HCK: variants seen among roughly 807,000 people sequenced by gnomAD.
The protein encoded by HCK is tyrosine-protein kinase HCK.
HCK carries 40 observed loss-of-function variants against 70.4 expected under a neutral mutation model. The ratio of observed to expected loss-of-function variants is 0.57; its 90% CI spans 0.44 to 0.74. The LOEUF is 0.74. HCK is among the 30% of genes least tolerant of loss of function. The pLI is 0.00. For synonymous variants in HCK, 245 were observed against 263.2 expected (o/e 0.93, Z 0.67); for missense variants, 568 against 697.2 (o/e 0.81, Z 2.09).
chr20:32,066,930 G>A (rs955942467), intron 1 of HCK, among the ~76,000 whole-genome samples: 4 of 152,180 alleles, frequency 2.6e-5, no homozygotes, highest in East Asian at 1.9e-4. Flanking sequence ...TTTGGAAGTC[G>A]GTTCTTCTTT....
intron 1 of HCK, among the ~76,000 whole-genome samples, chr20:32,061,561 C>T (rs1185878791): frequency 2.6e-5 from 4 of 152,192 alleles, no homozygotes; most frequent in Admixed American, 1.3e-4. Flanking sequence ...TAGCTGGGAA[C>T]AGGCTAGACA....
chr20:32,060,356 G>A (rs552839309), intron 1 of HCK, among the ~76,000 whole-genome samples: 3 of 152,132 alleles, frequency 2.0e-5, no homozygotes, highest in Non-Finnish European at 4.4e-5. Flanking sequence ...AAGTAGCTGG[G>A]ATTACAGGCA....
At chr20:32,088,353 G>C (rs2045818394) in intron 9 of HCK, among the ~76,000 whole-genome samples, 1 of 152,172 alleles carries the variant, frequency 6.6e-6, no homozygotes, top group Non-Finnish European at 1.5e-5. Flanking sequence ...GGCTGTCTCA[G>C]TCACAGAATC....
intron 5 of HCK, among the ~76,000 whole-genome samples, chr20:32,075,374 T>C (rs2045607178): frequency 6.6e-6 from 1 of 152,154 alleles, no homozygotes; most frequent in African/African-American, 2.4e-5. Flanking sequence ...TTTTCTTTTT[T>C]GTATTTTTGG....
intron 1 of HCK, among the ~76,000 whole-genome samples, chr20:32,063,101 C>G (rs1483706281): frequency 6.6e-6 from 1 of 152,074 alleles, no homozygotes; most frequent in Non-Finnish European, 1.5e-5. Flanking sequence ...ACTGACTAGC[C>G]GGGGGACCCA....
intron 1 of HCK, among the ~76,000 whole-genome samples, chr20:32,055,474 A>G (rs2045256856): frequency 6.6e-6 from 1 of 152,228 alleles, no homozygotes; most frequent in African/African-American, 2.4e-5. Context: ...GTATAATGCT[A>G]CACATAGATT....
intron 1 of HCK, among the ~76,000 whole-genome samples, chr20:32,053,436 G>C (rs539826760): frequency 6.6e-6 from 1 of 151,976 alleles, no homozygotes; most frequent in South Asian, 2.1e-4. Context: ...TCTAGAGTTT[G>C]AGACCAGCCT....
intron 1 of HCK, among the ~76,000 whole-genome samples, chr20:32,055,385 C>T (rs1047981910): frequency 2.0e-5 from 3 of 152,100 alleles, no homozygotes; most frequent in African/African-American, 7.2e-5. Context: ...GAAGCATGAA[C>T]CTTTTGAGGG....
Position 32,088,567 on chromosome 20 carries a change from G to A in HCK, c.1016-1G>A. On this transcript the variant is annotated splice_acceptor_variant, in intron 9 of 12. Coordinates refer to ENST00000375852, the MANE Select transcript of HCK (RefSeq NM_002110.5). LOFTEE classifies it high-confidence loss of function. ...ATGTTCCTCCCCTCTCCCCCATATA[G>A]GAAGCTTGCTGGACTTTCTGAAAAG... 6.2e-7 allele frequency: 1 copy of A among 1,611,264 alleles called. No homozygotes were observed. The highest frequency in any genetic ancestry group is 8.5e-7 in the Non-Finnish European group (1 of 1,179,136).
rs1555874089 is a variant in HCK, at chr20:32,059,432, T to TCTTTTTTCTTTCTTTTTTC, written c.62+6946_62+6947insCTTTTTTCTTTCTTTTTTC. On this transcript the variant is annotated intron_variant, in intron 1 of 12. Transcript: ENST00000375852. The stretch of plus-strand genomic sequence containing the variant: ...CTTTCTCTCTCTCTCTTTCTTTCTT[T>TCTTTTTTCTTTCTTTTTTC]TTTCTTTCTTTCTTTCTTTCTTCTT... Among the ~76,000 whole-genome samples, 1,052 of 147,676 alleles carry TCTTTTTTCTTTCTTTTTTC rather than the reference T, an allele frequency of 7.1e-3. 8 individuals are homozygous for TCTTTTTTCTTTCTTTTTTC. Among genetic ancestry groups the TCTTTTTTCTTTCTTTTTTC allele is most frequent in the Non-Finnish European group, 0.013 (872 of 66,412 alleles).
chr20:32,098,900 G>C, intron 11 of HCK, 104 bp from the exon 12 acceptor site: 1 of 1,278,976 alleles, frequency 7.8e-7, no homozygotes, highest in Non-Finnish European at 1.1e-6. Flanking sequence ...GGTCTGCAGG[G>C]GCAGATGTTG....
chr20:32,068,282 G>C (rs1175350640), intron 1 of HCK, among the ~76,000 whole-genome samples: 1 of 145,862 alleles, frequency 6.9e-6, no homozygotes, highest in Non-Finnish European at 1.5e-5. Flanking sequence ...TGGGCAACAA[G>C]AGCAAAACTC....
chr20:32,071,998 C>T, intron 2 of HCK: 4 of 584,524 alleles, frequency 6.8e-6, no homozygotes, highest in Non-Finnish European at 1.2e-5. Flanking sequence ...GCAGCCCAGG[C>T]TTGGCCCCTC....
intron 1 of HCK, among the ~76,000 whole-genome samples, chr20:32,053,604 C>G (rs1035435154): frequency 3.6e-5 from 5 of 139,666 alleles, no homozygotes; most frequent in Non-Finnish European, 6.0e-5. Context: ...CGCCACTGCA[C>G]TCCAGCCTGG....
In HCK at chr20:32,052,397, G is replaced by T; in HGVS notation, c.-28G>T. 1 of 1,283,902 alleles carries T rather than the reference G, an allele frequency of 7.8e-7. No homozygotes were observed. Among genetic ancestry groups the T allele is most frequent in the Non-Finnish European group, 9.9e-7 (1 of 1,006,000 alleles). 79.5% of individuals were successfully genotyped at this position (1,283,902 alleles called of 1,614,324 possible). ...CTAGAAAGTCAGTTTCCCGGCACTGGCACCCCGGAACCTCAGGGGCTGCCG... is the reference window on the plus strand; with the variant it reads ...CTAGAAAGTCAGTTTCCCGGCACTGTCACCCCGGAACCTCAGGGGCTGCCG... On this transcript the variant is annotated 5_prime_UTR_variant, in exon 1 of 13. Transcript: ENST00000375852.
At chr20:32,065,923 G>A (rs904613806) in intron 1 of HCK, among the ~76,000 whole-genome samples, 3 of 151,986 alleles carry the variant, frequency 2.0e-5, no homozygotes, top group Non-Finnish European at 2.9e-5. Context: ...AGCCTTCTTG[G>A]CTAGAATGTT....
intron 5 of HCK, among the ~76,000 whole-genome samples, chr20:32,075,490 A>G (rs2045608736): frequency 6.6e-6 from 1 of 152,016 alleles, no homozygotes; most frequent in South Asian, 2.1e-4. Flanking sequence ...GGCCTGAACC[A>G]CTGCACCTGG....
chr20:32,099,695 C>T (rs959173622), intron 12 of HCK, among the ~76,000 whole-genome samples: 9 of 151,970 alleles, frequency 5.9e-5, no homozygotes, highest in African/African-American at 2.2e-4. Context: ...AGGGTTTTGG[C>T]CACTCGACTC....
In HCK at chr20:32,099,350, CTTTT is replaced by C. The variant is rs71336559; in HGVS notation, c.1378+237_1378+240del. ...CCTTCCTTCTCTCTCACTCCTATGA[CTTTT>C]TTTTTTTTTTTTTTTTTTTTTGAGA... On this transcript the variant is annotated intron_variant, in intron 12 of 12. Coordinates refer to ENST00000375852, the MANE Select transcript of HCK (RefSeq NM_002110.5). Among the ~76,000 whole-genome samples the C allele has an allele frequency of 1.4e-3, 117 of 85,174 alleles. No homozygotes were observed. In the East Asian group the frequency reaches 0.032, roughly 23 times the overall value. The allele number at this position is 85,174 out of a possible 152,430, so 55.9% of individuals were successfully genotyped here. A position where few individuals can be genotyped will look rare whatever the true frequency, so the allele number is the denominator to read the frequency against.
Sources: allele counts gnomAD v4.1 joint callset (sites outside exome capture counted in the v4.1 genomes callset), GRCh38; gene constraint gnomAD v4.1.1; transcripts MANE v1.5; gene names NCBI Gene and HGNC (gene_info 2026-07-23, HGNC 2026-07-21).